Variants in PLCL1 observed in about 807,000 individuals in gnomAD.
PLCL1 encodes the protein inactive phospholipase C-like protein 1.
In PLCL1, 41 loss-of-function variants were observed where a neutral mutation model predicts 84.4. The observed-to-expected ratio is 0.49, with a 90% confidence interval of 0.38 to 0.63. PLCL1 has a LOEUF of 0.63. Among genes scored for constraint, PLCL1 ranks in the 30% least tolerant of loss-of-function variants. The pLI, the probability that PLCL1 is intolerant of heterozygous loss-of-function variation, is 0.00. For missense variants in PLCL1, 1,206 were observed against 1,367.8 expected (o/e 0.88, Z 1.87); for synonymous variants, 490 against 488.3 (o/e 1.00, Z -0.05).
chr2:198,035,072 C>G (rs543871880), intron 1 of PLCL1, among the ~76,000 whole-genome samples: 1 of 152,134 alleles, frequency 6.6e-6, no homozygotes, highest in African/African-American at 2.4e-5. Flanking sequence ...TGTAAAATTA[C>G]TCTTTGTCCC....
In PLCL1 at chr2:197,906,331, C is replaced by CT. The variant is rs796809699; in HGVS notation, c.240+101003dup. On this transcript the variant is annotated intron_variant, in intron 1 of 5. Transcript: ENST00000428675. Reference sequence around the variant, plus strand: ...CAAATAGGGAATCCTTTCCCTATTGCTTTTTTTTTTTGTCAGGTTTGTCAA... The same window carrying CT: ...CAAATAGGGAATCCTTTCCCTATTGCTTTTTTTTTTTTGTCAGGTTTGTCAA... Among the ~76,000 whole-genome samples the CT allele has an allele frequency of 1.1e-3, 153 of 143,254 alleles. 1 individual carries two copies. The highest frequency in any genetic ancestry group is 3.6e-3 in the South Asian group (16 of 4,456). 94.0% of individuals were successfully genotyped at this position (143,254 alleles called of 152,430 possible). A position where few individuals can be genotyped will look rare whatever the true frequency, so the allele number is the denominator to read the frequency against.
At chr2:198,023,078 C>G (rs911692441) in intron 1 of PLCL1, among the ~76,000 whole-genome samples, 1 of 151,968 alleles carries the variant, frequency 6.6e-6, no homozygotes, top group African/African-American at 2.4e-5. Flanking sequence ...AGAACAGAGA[C>G]CTCAGAAATA....
chr2:197,989,968 G>A (rs1690305330), intron 1 of PLCL1, among the ~76,000 whole-genome samples: 1 of 152,156 alleles, frequency 6.6e-6, no homozygotes, highest in South Asian at 2.1e-4. Flanking sequence ...ACTGGTAATA[G>A]ATTACAGTTG....
chr2:198,110,030 G>T (rs1418399565), intron 5 of PLCL1, among the ~76,000 whole-genome samples: 1 of 151,712 alleles, frequency 6.6e-6, no homozygotes, highest in East Asian at 1.9e-4. Context: ...GGGTTAAGAA[G>T]TAGCTGCCCT....
At chr2:197,913,945 G>A (rs545271587) in intron 1 of PLCL1, among the ~76,000 whole-genome samples, 2 of 152,120 alleles carry the variant, frequency 1.3e-5, no homozygotes, top group Admixed American at 6.5e-5. Flanking sequence ...GCCAGTGATA[G>A]TCCATTTTTA....
chr2:197,933,329 T>C (rs1371165823), intron 1 of PLCL1, among the ~76,000 whole-genome samples: 1 of 150,570 alleles, frequency 6.6e-6, no homozygotes, highest in African/African-American at 2.4e-5. Flanking sequence ...AGTGGTGCGA[T>C]CTCGGCTCAC....
chr2:197,827,117 C>T (rs1690946088), intron 1 of PLCL1, among the ~76,000 whole-genome samples: 1 of 152,146 alleles, frequency 6.6e-6, no homozygotes, highest in Admixed American at 6.6e-5. Flanking sequence ...TTTTCTTTTG[C>T]CTGATTAATT....
intron 1 of PLCL1, among the ~76,000 whole-genome samples, chr2:198,002,380 A>C (rs954336700): frequency 2.0e-5 from 3 of 152,138 alleles, no homozygotes; most frequent in African/African-American, 7.2e-5. Context: ...TGGGTATACA[A>C]AGGTTTGATT....
chr2:198,017,542 A>G (rs1000751517), intron 1 of PLCL1, among the ~76,000 whole-genome samples: 2 of 152,218 alleles, frequency 1.3e-5, no homozygotes, highest in African/African-American at 4.8e-5. Context: ...GTATGTCTTA[A>G]TGTAACCCTA....
At chr2:197,862,841 C>G (rs535673720) in intron 1 of PLCL1, among the ~76,000 whole-genome samples, 3 of 152,082 alleles carry the variant, frequency 2.0e-5, no homozygotes, top group Non-Finnish European at 4.4e-5. Flanking sequence ...TCTTGCTTCA[C>G]TTGTTGTTCT....
chr2:198,037,645 G>C (rs569807389), intron 1 of PLCL1, among the ~76,000 whole-genome samples: 10 of 152,152 alleles, frequency 6.6e-5, no homozygotes, highest in Non-Finnish European at 1.3e-4. Context: ...TCTCTATCAA[G>C]TTGAGTTCTG....
At chr2:197,946,399 A>G (rs1252732929) in intron 1 of PLCL1, among the ~76,000 whole-genome samples, 2 of 152,214 alleles carry the variant, frequency 1.3e-5, no homozygotes, top group Non-Finnish European at 2.9e-5. Flanking sequence ...CAGTTGGAAA[A>G]TGGCAAACAG....
At chr2:198,127,870 T>A (rs556257594) in intron 5 of PLCL1, among the ~76,000 whole-genome samples, 98 of 152,284 alleles carry the variant, frequency 6.4e-4, no homozygotes, top group African/African-American at 2.3e-3. Flanking sequence ...AAAATCTTCA[T>A]TTTCTGGAGG....
Position 198,102,589 on chromosome 2 carries a change from C to G in PLCL1, c.2995+1229C>G, listed in dbSNP as rs556205797. On this transcript the variant is annotated intron_variant, in intron 4 of 5. Transcript: ENST00000428675. ...GCGTTCACTCCTGGAGGCAAGTTCCCACAGAGCTCAGCTCCAGGAAACTGG... is the reference window on the plus strand; with the variant it reads ...GCGTTCACTCCTGGAGGCAAGTTCCGACAGAGCTCAGCTCCAGGAAACTGG... 1.1e-4 allele frequency among the ~76,000 whole-genome samples: 17 copies of G among 152,182 alleles called. No homozygotes were observed. In the South Asian group the frequency reaches 3.3e-3, roughly 30 times the overall value.
At chr2:197,921,417 C>T (rs570843778) in intron 1 of PLCL1, among the ~76,000 whole-genome samples, 232 of 152,244 alleles carry the variant, frequency 1.5e-3, no homozygotes, top group Non-Finnish European at 2.1e-3. Flanking sequence ...TGAAAAATTA[C>T]TGGTTGTGGT....
chr2:198,058,647 G>A (rs566898942), intron 1 of PLCL1, among the ~76,000 whole-genome samples: 40 of 151,568 alleles, frequency 2.6e-4, no homozygotes, highest in African/African-American at 8.7e-4. Flanking sequence ...TTCTATATAA[G>A]CAAGTTGCTC....
At chr2:198,096,979 G>A (rs527490631) in intron 3 of PLCL1, among the ~76,000 whole-genome samples, 14 of 152,162 alleles carry the variant, frequency 9.2e-5, no homozygotes, top group African/African-American at 2.9e-4. Flanking sequence ...ATAGTTCCCC[G>A]ATTTAGTTTT....
At chr2:197,941,479 A>C (rs1177822170) in intron 1 of PLCL1, among the ~76,000 whole-genome samples, 1 of 151,990 alleles carries the variant, frequency 6.6e-6, no homozygotes, top group Non-Finnish European at 1.5e-5. Context: ...TTTTATAGAG[A>C]TAGGGTCTTA....
At chr2:198,001,684 C>T (rs559589481) in intron 1 of PLCL1, among the ~76,000 whole-genome samples, 114 of 152,128 alleles carry the variant, frequency 7.5e-4, no homozygotes, top group African/African-American at 2.6e-3. Flanking sequence ...TCCCAAACCC[C>T]GGTACGGTCT....
Sources: allele counts gnomAD v4.1 joint callset (sites outside exome capture counted in the v4.1 genomes callset), GRCh38; gene constraint gnomAD v4.1.1; transcripts MANE v1.5; gene names NCBI Gene and HGNC (gene_info 2026-07-23, HGNC 2026-07-21).